CDH23: variants seen among roughly 807,000 people sequenced by gnomAD.
CDH23 encodes cadherin-23.
In CDH23, 189 loss-of-function variants were observed where a neutral mutation model predicts 317.1. That is an observed-to-expected ratio of 0.60 (90% CI 0.53 to 0.67). The LOEUF is 0.67. Ranked by LOEUF, CDH23 falls within the 30% of genes least tolerant of loss-of-function variation. The pLI, the probability that CDH23 is intolerant of heterozygous loss-of-function variation, is 0.00. For synonymous variants in CDH23, 1,839 were observed against 1,876.8 expected, an observed-to-expected ratio of 0.98 and a Z score of 0.52; for missense variants, 4,401 against 4,592.4, an observed-to-expected ratio of 0.96 and a Z score of 1.20.
intron 49 of CDH23, 26 bp downstream of exon 49, chr10:71,797,246 A>G (rs1440805987): frequency 6.6e-7 from 1 of 1,523,216 alleles, no homozygotes; most frequent in South Asian, 1.2e-5. Context: ...GACATCTCTC[A>G]TTGGTCACTC....
At chr10:71,586,172 G>A (rs2132429337) in intron 9 of CDH23, among the ~76,000 whole-genome samples, 1 of 152,326 alleles carries the variant, frequency 6.6e-6, no homozygotes, top group South Asian at 2.1e-4. Context: ...CCATGGCTGA[G>A]GCAGCTCTGT....
At chr10:71,785,548 C>A in intron 43 of CDH23, 83 bp from the exon 44 acceptor site, 2 of 924,246 alleles carry the variant, frequency 2.2e-6, no homozygotes. Flanking sequence ...TTAGGGAGGC[C>A]AAGCAGAGCA....
At chr10:71,799,663 T>C (rs1841503174) in intron 52 of CDH23, 34 bp downstream of exon 52, 2 of 1,613,864 alleles carry the variant, frequency 1.2e-6, no homozygotes, top group Non-Finnish European at 1.7e-6. Flanking sequence ...AATTTGGAAG[T>C]GGGAAGGACC....
intron 14 of CDH23, among the ~76,000 whole-genome samples, chr10:71,651,998 C>A (rs1863198051): frequency 6.6e-6 from 1 of 152,190 alleles, no homozygotes. Flanking sequence ...GCCTTCTATC[C>A]CTGCTGCAGG....
intron 40 of CDH23, 71 bp downstream of exon 40, chr10:71,778,379 T>C (rs1840867375): frequency 1.9e-6 from 3 of 1,589,428 alleles, no homozygotes; most frequent in Non-Finnish European, 2.6e-6. Context: ...AAAGCTCCGA[T>C]GCGGGAAGGG....
At chr10:71,667,005 T>C (rs1286734210) in intron 14 of CDH23, among the ~76,000 whole-genome samples, 1 of 152,272 alleles carries the variant, frequency 6.6e-6, no homozygotes, top group Non-Finnish European at 1.5e-5. Flanking sequence ...ACATTGCTAT[T>C]GTTTCCTGAA....
chr10:71,404,705 C>T (rs1041020340), intron 1 of CDH23, among the ~76,000 whole-genome samples: 2 of 152,228 alleles, frequency 1.3e-5, no homozygotes, highest in African/African-American at 2.4e-5. Context: ...CCAGCAGCCC[C>T]GGGCCTGGCC....
At chr10:71,407,104 G>A (rs1019285561) in intron 1 of CDH23, among the ~76,000 whole-genome samples, 1 of 152,222 alleles carries the variant, frequency 6.6e-6, no homozygotes, top group Non-Finnish European at 1.5e-5. Context: ...TAGCTTGCAG[G>A]CGGTGAGGCA....
chr10:71,485,490 G>A (rs555563103), intron 3 of CDH23, among the ~76,000 whole-genome samples: 2 of 152,362 alleles, frequency 1.3e-5, no homozygotes, highest in South Asian at 4.1e-4. Flanking sequence ...GACATTCCAG[G>A]CAGGTGCAAG....
chr10:71,780,248 C>A (rs900985152), intron 41 of CDH23, among the ~76,000 whole-genome samples: 4 of 152,188 alleles, frequency 2.6e-5, no homozygotes, highest in Non-Finnish European at 5.9e-5. Flanking sequence ...CAAACAGATG[C>A]AAATCCCTGC....
At chr10:71,661,619 TG>T (rs1320333867) in intron 14 of CDH23, among the ~76,000 whole-genome samples, 1 of 152,036 alleles carries the variant, frequency 6.6e-6, no homozygotes, top group Non-Finnish European at 1.5e-5. Flanking sequence ...TTCTGATAAC[TG>T]GGGTGGGGTG....
chr10:71,789,085 A>C, intron 45 of CDH23, 43 bp downstream of exon 45: 6 of 953,484 alleles, frequency 6.3e-6, no homozygotes, highest in Non-Finnish European at 1.0e-5. Context: ...GTTGCCAGGC[A>C]CCACTGGGGC....
chr10:71,561,645 T>G (rs1418926917), intron 6 of CDH23, among the ~76,000 whole-genome samples: 2 of 152,146 alleles, frequency 1.3e-5, no homozygotes, highest in Admixed American at 6.5e-5. Flanking sequence ...AGAAGTGATA[T>G]GGAGCTTAAA....
intron 11 of CDH23, chr10:71,623,014 A>C (rs1861541443): frequency 1.1e-6 from 1 of 928,078 alleles, no homozygotes. Flanking sequence ...TTCAAGCAAC[A>C]AGTGTTATGT....
intron 13 of CDH23, 144 bp from the exon 14 acceptor site, chr10:71,646,315 C>A: frequency 5.4e-6 from 7 of 1,293,584 alleles, no homozygotes; most frequent in Non-Finnish European, 7.5e-6. Context: ...GACGGGCTCG[C>A]AGTAGCACAG....
At chr10:71,518,819 A>G (rs1468744227) in intron 6 of CDH23, among the ~76,000 whole-genome samples, 1 of 152,152 alleles carries the variant, frequency 6.6e-6, no homozygotes, top group African/African-American at 2.4e-5. Context: ...CAGGGCCCTG[A>G]GCTCAGCCCA....
chr10:71,481,593 T>G lies in CDH23; in HGVS notation c.146-28489T>G, dbSNP rs1032836865. On this transcript the variant is annotated intron_variant, in intron 3 of 69. Coordinates refer to ENST00000224721, the MANE Select transcript of CDH23 (RefSeq NM_022124.6). ...CTTTTGGGTGTCATTCAGCAGATAG[T>G]GTGGTCAGTACCAGCCTCTGTCTAA... 3.3e-5 allele frequency among the ~76,000 whole-genome samples: 5 copies of G among 152,258 alleles called. No homozygotes were observed. The East Asian group carries it at 7.7e-4, about 24-fold the overall frequency.
chr10:71,503,898 A>G (rs114712284), intron 3 of CDH23, among the ~76,000 whole-genome samples: 2,604 of 152,248 alleles, frequency 0.017, 60 homozygotes, highest in African/African-American at 0.054. Flanking sequence ...AGGCAGCCAC[A>G]AACTTGTCCT....
At chr10:71,812,362 A>G in intron 66 of CDH23, 118 bp from the exon 67 acceptor site, 1 of 1,600,802 alleles carries the variant, frequency 6.2e-7, no homozygotes, top group Non-Finnish European at 8.5e-7. Context: ...TCACACCCCA[A>G]GTCAGTGAAA....
Sources: gnomAD v4.1 joint callset for allele counts (sites outside exome capture counted in the v4.1 genomes callset) on GRCh38, gnomAD v4.1.1 for gene constraint, MANE v1.5 for transcripts, NCBI Gene and HGNC (gene_info 2026-07-23, HGNC 2026-07-21) for gene names.